Variants in TOX observed in about 807,000 individuals in gnomAD.
The protein encoded by TOX is thymocyte selection-associated high mobility group box protein TOX.
Under a neutral mutation model 53.7 loss-of-function variants are expected in TOX, and 11 were observed. The observed-to-expected ratio is 0.20, with a 90% CI of 0.13 to 0.34. The LOEUF (loss-of-function observed/expected upper bound fraction) is 0.34. Among genes scored for constraint, TOX ranks in the 10% least tolerant of loss-of-function variants. The pLI is 1.00. For synonymous variants in TOX, 225 were observed against 245.3 expected, an observed-to-expected ratio of 0.92 and a Z score of 0.77; for missense variants, 570 against 664.6, an observed-to-expected ratio of 0.86 and a Z score of 1.56.
intron 1 of TOX, among the ~76,000 whole-genome samples, chr8:59,108,025 G>A (rs1224077106): frequency 6.6e-6 from 1 of 152,072 alleles, no homozygotes; most frequent in Admixed American, 6.6e-5. Flanking sequence ...GTGCAAAATT[G>A]GCAGCAGTTC....
rs1811287297 is a variant in TOX, at chr8:58,876,533, AC to A, written c.412-24729del. 2.0e-5 allele frequency among the ~76,000 whole-genome samples: 3 copies of A among 152,316 alleles called. No individual in the cohort carries two copies. The South Asian group carries it at 6.2e-4, about 32-fold the overall frequency. ...AATCCTTCACATCTTGGTTTGAATT[AC>A]TTTAATCTGATTGTTTTCCTCAGAA... On this transcript the variant is annotated intron_variant, in intron 3 of 8. Coordinates refer to ENST00000361421, the MANE Select transcript of TOX (RefSeq NM_014729.3).
At chr8:59,032,258 C>T (rs1337265126) in intron 1 of TOX, among the ~76,000 whole-genome samples, 1 of 152,148 alleles carries the variant, frequency 6.6e-6, no homozygotes, top group Non-Finnish European at 1.5e-5. Context: ...AGGAAAAAGT[C>T]TAGAGTTCTC....
chr8:59,056,120 C>A (rs552361786), intron 1 of TOX, among the ~76,000 whole-genome samples: 4 of 151,924 alleles, frequency 2.6e-5, no homozygotes, highest in African/African-American at 9.6e-5. Flanking sequence ...CTTTCTAAAC[C>A]AAGGACCCCA....
At chr8:59,032,968 T>C (rs1290604642) in intron 1 of TOX, among the ~76,000 whole-genome samples, 1 of 151,528 alleles carries the variant, frequency 6.6e-6, no homozygotes, top group Non-Finnish European at 1.5e-5. Context: ...GAGGCAGAGA[T>C]TGTTGCAGTG....
At chr8:58,923,538 A>C (rs1209214242) in intron 3 of TOX, among the ~76,000 whole-genome samples, 11 of 152,144 alleles carry the variant, frequency 7.2e-5, no homozygotes, top group Admixed American at 7.2e-4. Flanking sequence ...GTCATTCATT[A>C]ATCAAACCTT....
In TOX at chr8:58,990,311, T is replaced by A. The variant is rs1179776916; in HGVS notation, c.103-30303A>T. On this transcript the variant is annotated intron_variant, in intron 1 of 8. Coordinates refer to ENST00000361421, the MANE Select transcript of TOX (RefSeq NM_014729.3). The stretch of plus-strand genomic sequence containing the variant: ...TGATATGGTGGCCTCAAGGTTCAAT[T>A]GTCCTGCTGAGACTTGTTTTTTCAA... Among the ~76,000 whole-genome samples the A allele has an allele frequency of 2.6e-5, 4 of 152,210 alleles. No individual in the cohort carries two copies. The East Asian group carries it at 7.7e-4, about 29-fold the overall frequency.
At chr8:58,887,758 G>A (rs376781790) in intron 3 of TOX, among the ~76,000 whole-genome samples, 1 of 151,788 alleles carries the variant, frequency 6.6e-6, no homozygotes, top group East Asian at 1.9e-4. Context: ...AGTTTATTTT[G>A]TTGCTCTTTT....
chr8:59,039,677 C>G (rs1803541067), intron 1 of TOX, among the ~76,000 whole-genome samples: 1 of 152,178 alleles, frequency 6.6e-6, no homozygotes, highest in South Asian at 2.1e-4. Flanking sequence ...CTACTTCACT[C>G]TGGCATCTCA....
chr8:58,819,286 TG>T (rs1460230628), intron 6 of TOX, among the ~76,000 whole-genome samples: 2 of 152,258 alleles, frequency 1.3e-5, no homozygotes, highest in Non-Finnish European at 2.9e-5. Flanking sequence ...AATTTGCATT[TG>T]TTTCCACTTT....
At chr8:58,813,942 C>T (rs891048709) in intron 7 of TOX, among the ~76,000 whole-genome samples, 24 of 152,148 alleles carry the variant, frequency 1.6e-4, no homozygotes, top group Admixed American at 1.3e-4. Context: ...AGAATCCAGC[C>T]TCTGAGTTTT....
intron 3 of TOX, among the ~76,000 whole-genome samples, chr8:58,935,206 A>G (rs1295484039): frequency 6.6e-6 from 1 of 152,122 alleles, no homozygotes; most frequent in African/African-American, 2.4e-5. Context: ...ACACATCTAT[A>G]ATATCTCATA....
chr8:58,857,288 A>G (rs923996894), intron 3 of TOX, among the ~76,000 whole-genome samples: 4 of 151,932 alleles, frequency 2.6e-5, no homozygotes, highest in African/African-American at 9.7e-5. Context: ...CATTTTGTTT[A>G]TTTTCAAGCC....
intron 3 of TOX, among the ~76,000 whole-genome samples, chr8:58,932,448 A>C (rs937584149): frequency 3.3e-5 from 5 of 152,190 alleles, no homozygotes; most frequent in Non-Finnish European, 7.4e-5. Flanking sequence ...CATCCATTCC[A>C]TTTTAAACAA....
chr8:58,938,157 T>G (rs1444426149), intron 3 of TOX, among the ~76,000 whole-genome samples: 1 of 152,188 alleles, frequency 6.6e-6, no homozygotes, highest in Non-Finnish European at 1.5e-5. Flanking sequence ...GGTTTCATTC[T>G]CTAAAGAAAC....
chr8:59,091,225 A>G (rs935449360), intron 1 of TOX, among the ~76,000 whole-genome samples: 37 of 152,208 alleles, frequency 2.4e-4, no homozygotes, highest in African/African-American at 8.7e-4. Flanking sequence ...TCAGCACTCT[A>G]TTCAAACTAC....
At chr8:58,966,021 C>T (rs10094267) in intron 1 of TOX, among the ~76,000 whole-genome samples, 93,164 of 149,584 alleles carry the variant, frequency 0.62, 30,588 homozygotes, top group East Asian at 0.72. Flanking sequence ...GGTGATAATA[C>T]GCATAGTTGT....
intron 1 of TOX, among the ~76,000 whole-genome samples, chr8:59,100,442 C>G (rs1373075766): frequency 6.6e-6 from 1 of 152,170 alleles, no homozygotes; most frequent in African/African-American, 2.4e-5. Context: ...ATCAGCAGGT[C>G]TGTGTAAATG....
chr8:59,086,082 T>G (rs1190500530), intron 1 of TOX, among the ~76,000 whole-genome samples: 9 of 147,034 alleles, frequency 6.1e-5, no homozygotes, highest in African/African-American at 2.3e-4. Flanking sequence ...GCCTGTGGGG[T>G]TCAAGTGATT....
chr8:59,035,095 A>T (rs184523249), intron 1 of TOX, among the ~76,000 whole-genome samples: 1 of 152,124 alleles, frequency 6.6e-6, no homozygotes, highest in East Asian at 1.9e-4. Flanking sequence ...CTGCACCGCA[A>T]CCACCCCAGT....
Sources: gnomAD v4.1 joint callset for allele counts (sites outside exome capture counted in the v4.1 genomes callset) on GRCh38, gnomAD v4.1.1 for gene constraint, MANE v1.5 for transcripts, NCBI Gene and HGNC (gene_info 2026-07-23, HGNC 2026-07-21) for gene names.